Variants in FOXA3 observed in about 807,000 individuals in gnomAD.
FOXA3 encodes the protein forkhead box A3.
In FOXA3, 11 loss-of-function variants were observed where a neutral mutation model predicts 16.9. The ratio of observed to expected loss-of-function variants is 0.65; its 90% CI spans 0.41 to 1.08. FOXA3 has a LOEUF of 1.08. Ranked by LOEUF, FOXA3 falls within the 50% of genes least tolerant of loss-of-function variation. The probability of loss-of-function intolerance (pLI) is 0.00; values close to 1 mark genes in which losing one functional copy is unlikely to be tolerated. For synonymous variants in FOXA3, 217 were observed against 203.3 expected (o/e 1.07, Z -0.57); for missense variants, 423 against 470.1 (o/e 0.90, Z 0.93).
Position 45,864,344 on chromosome 19 carries a change from G to C in FOXA3, c.-113G>C. ...GGCGCTCGGGACAGCCGTACCCCGG[G>C]CGGTCGGACGGGCGGGCGCCGGTGG... On this transcript the variant is annotated 5_prime_UTR_variant, in exon 1 of 2. Coordinates refer to ENST00000302177, the MANE Select transcript of FOXA3 (RefSeq NM_004497.3). The C allele has an allele frequency of 1.1e-6, 1 of 887,816 alleles. No individual in the cohort carries two copies. The allele number at this position is 887,816 out of a possible 1,614,324, so 55.0% of individuals were successfully genotyped here.
At position 45,864,361 on chromosome 19, in the gene FOXA3, C is replaced by G; in HGVS notation, c.-96C>G. ...TACCCCGGGCGGTCGGACGGGCGGG[C>G]GCCGGTGGGAGCTCGGGCCGTGCCC... On this transcript the variant is annotated 5_prime_UTR_variant, in exon 1 of 2. Coordinates refer to ENST00000302177, the MANE Select transcript of FOXA3 (RefSeq NM_004497.3). 9.0e-7 allele frequency: 1 copy of G among 1,116,356 alleles called. No individual in the cohort carries two copies. The highest frequency in any genetic ancestry group is 1.2e-6 in the Non-Finnish European group (1 of 864,150). The allele number at this position is 1,116,356 out of a possible 1,614,324, so 69.2% of individuals were successfully genotyped here. A position where few individuals can be genotyped will look rare whatever the true frequency, so the allele number is the denominator to read the frequency against.
At chr19:45,871,199 T>C (rs976560547) in intron 1 of FOXA3, among the ~76,000 whole-genome samples, 5 of 152,222 alleles carry the variant, frequency 3.3e-5, no homozygotes, top group Admixed American at 3.3e-4. Flanking sequence ...CATGTATTCA[T>C]TTAAAAATAG....
At chr19:45,869,787 ATT>A (rs1399610263) in intron 1 of FOXA3, among the ~76,000 whole-genome samples, 4 of 140,510 alleles carry the variant, frequency 2.8e-5, no homozygotes, top group Non-Finnish European at 4.7e-5. Context: ...ATTTTTATTT[ATT>A]TATTTTTTTT....
chr19:45,873,510 C>T lies in FOXA3; in HGVS notation c.*452C>T, dbSNP rs1312123439. On this transcript the variant is annotated 3_prime_UTR_variant, in exon 2 of 2. Transcript: ENST00000302177. ...GCCCATTGGGTGCTTTGATGGACAT[C>T]ATACTGGGTAGGTGACAACGTCAGT... The T allele has an allele frequency of 4.8e-6, 1 of 209,074 alleles. No homozygotes were observed. 13.0% of individuals were successfully genotyped at this position (209,074 alleles called of 1,614,324 possible).
chr19:45,872,800 G>T lies in FOXA3; in HGVS notation c.795G>T (p.Gly265=). ...PPAPEPEAQG[G]EDVGALDCGS... ...CCCCTGAGCCTGAGGCCCAGGGCGG[G>T]GAAGATGTGGGGGCTCTGGACTGTG... Residue 265 remains glycine, a synonymous_variant, in exon 2 of 2, where the codon GGG becomes GGT. Coordinates refer to ENST00000302177, the MANE Select transcript of FOXA3 (RefSeq NM_004497.3). This position sits in a 1 kb window ranked among gnomAD's most constrained non-coding sequence, Gnocchi z 4.5. 1 of 1,612,164 alleles carries T rather than the reference G, an allele frequency of 6.2e-7. No individual in the cohort carries two copies. The highest frequency in any genetic ancestry group is 1.1e-5 in the South Asian group (1 of 91,086).
At chr19:45,867,418 T>G (rs1207924531) in intron 1 of FOXA3, among the ~76,000 whole-genome samples, 6 of 111,448 alleles carry the variant, frequency 5.4e-5, no homozygotes, top group East Asian at 4.1e-4. Flanking sequence ...GGGAGGGAGA[T>G]AGATAGATAG....
intron 1 of FOXA3, among the ~76,000 whole-genome samples, chr19:45,866,280 G>T (rs980265640): frequency 2.0e-5 from 3 of 151,964 alleles, no homozygotes; most frequent in Non-Finnish European, 4.4e-5. Flanking sequence ...AGTCAGGCAT[G>T]CCTGTAGTCT....
chr19:45,872,458 C>G lies in FOXA3; in HGVS notation c.453C>G (p.Phe151Leu). The G allele has an allele frequency of 6.2e-7, 1 of 1,614,218 alleles. No individual in the cohort carries two copies. The change falls in exon 2 of 2, where the codon TTC becomes TTG. Residue 151 changes from phenylalanine (F) to leucine (L), a missense_variant. Around this residue, in one of 3 missense-constraint regions of FOXA3, gnomAD observed 85 missense variants for 136.9 expected, o/e 0.62. Transcript: ENST00000302177. This position sits in a 1 kb window ranked among gnomAD's most constrained non-coding sequence, Gnocchi z 4.5. ...TCTACCAGTGGATCATGGACCTCTT[C>G]CCTTACTACCGGGAGAATCAGCAGC... ...SEIYQWIMDL[F>L]PYYRENQQRW...
In FOXA3 at chr19:45,872,122, C is replaced by T. The variant is rs1352476871; in HGVS notation, c.117C>T (p.Ser39=). The part of the protein sequence containing the change: ...TPVPTMAPLN[S]YMTLNPLSSP... ...TGCCCACCATGGCCCCCCTCAACTC[C>T]TACATGACCCTGAATCCTCTAAGCT... The change falls in exon 2 of 2, where the codon TCC becomes TCT. Residue 39 remains serine, a synonymous_variant. Coordinates refer to ENST00000302177, the MANE Select transcript of FOXA3 (RefSeq NM_004497.3). The surrounding 1 kb of genome is among the most constrained non-coding windows in gnomAD (Gnocchi z 4.5). The T allele has an allele frequency of 6.9e-6, 11 of 1,603,478 alleles. No homozygotes were observed. Among genetic ancestry groups the T allele is most frequent in the Non-Finnish European group, 9.4e-6 (11 of 1,175,098 alleles).
rs776353999 is a variant in FOXA3 at position 45,872,737 on chromosome 19, G to A, written c.732G>A (p.Ala244=). Residue 244 remains alanine (A), a synonymous_variant, in exon 2 of 2, where the codon GCG becomes GCA. Coordinates refer to ENST00000302177, the MANE Select transcript of FOXA3 (RefSeq NM_004497.3). This position sits in a 1 kb window ranked among gnomAD's most constrained non-coding sequence, Gnocchi z 4.5. The part of the protein sequence containing the change: ...TGSAASTTTP[A]ATVTSPPQPP... The stretch of plus-strand genomic sequence containing the variant: ...CTGCTGCCTCGACCACCACCCCCGC[G>A]GCCACAGTCACCTCCCCGCCCCAGC... 47 of 1,602,272 alleles carry A rather than the reference G, an allele frequency of 2.9e-5. No homozygotes were observed. Among genetic ancestry groups the A allele is most frequent in the Non-Finnish European group, 3.5e-5 (41 of 1,175,236 alleles).
chr19:45,864,365 G>C lies in FOXA3; in HGVS notation c.-92G>C. On this transcript the variant is annotated 5_prime_UTR_variant, in exon 1 of 2. Coordinates refer to ENST00000302177, the MANE Select transcript of FOXA3 (RefSeq NM_004497.3). ...CCGGGCGGTCGGACGGGCGGGCGCCGGTGGGAGCTCGGGCCGTGCCCGCTG... is the reference window on the plus strand; with the variant it reads ...CCGGGCGGTCGGACGGGCGGGCGCCCGTGGGAGCTCGGGCCGTGCCCGCTG... The C allele has an allele frequency of 8.7e-7, 1 of 1,147,080 alleles. No individual in the cohort carries two copies. Among genetic ancestry groups the C allele is most frequent in the East Asian group, 3.2e-5 (1 of 31,204 alleles). 71.1% of individuals were successfully genotyped at this position (1,147,080 alleles called of 1,614,324 possible). A position where few individuals can be genotyped will look rare whatever the true frequency, so the allele number is the denominator to read the frequency against.
chr19:45,866,810 C>T (rs1267480180), intron 1 of FOXA3, among the ~76,000 whole-genome samples: 1 of 152,198 alleles, frequency 6.6e-6, no homozygotes, highest in Non-Finnish European at 1.5e-5. Flanking sequence ...TGAAGCCCCG[C>T]ACGCAGAACA....
intron 1 of FOXA3, among the ~76,000 whole-genome samples, chr19:45,868,999 C>T (rs1048488055): frequency 3.9e-5 from 6 of 152,162 alleles, no homozygotes; most frequent in Admixed American, 2.0e-4. Context: ...ACGATCTTGG[C>T]TCACCACAAC....
chr19:45,864,445 T>C lies in FOXA3; in HGVS notation c.-12T>C, dbSNP rs11667582. 219,957 of 1,433,700 alleles carry C rather than the reference T, an allele frequency of 0.15. 17,438 individuals are homozygous for C. The highest frequency in any genetic ancestry group is 0.19 in the Admixed American group (7,949 of 40,878). 88.8% of individuals were successfully genotyped at this position (1,433,700 alleles called of 1,614,324 possible). A position where few individuals can be genotyped will look rare whatever the true frequency, so the allele number is the denominator to read the frequency against. On this transcript the variant is annotated 5_prime_UTR_variant, in exon 1 of 2. Transcript: ENST00000302177. ...GCCGGAGCGGGGGCGGGTGGGGGCG[T>C]AAGCCCGGGGGATGCTGGGCTCAGT...
In FOXA3 at chr19:45,873,245, G is replaced by A; in HGVS notation, c.*187G>A. ...CACGGGGTACTGTGATAACCACCATGGATACATTTTGGTGGCCCACTGGGT... is the reference window on the plus strand; with the variant it reads ...CACGGGGTACTGTGATAACCACCATAGATACATTTTGGTGGCCCACTGGGT... On this transcript the variant is annotated 3_prime_UTR_variant, in exon 2 of 2. Coordinates refer to ENST00000302177, the MANE Select transcript of FOXA3 (RefSeq NM_004497.3). 2.2e-6 allele frequency: 2 copies of A among 929,984 alleles called. No homozygotes were observed. Among genetic ancestry groups the A allele is most frequent in the South Asian group, 1.7e-5 (1 of 58,160 alleles). 57.6% of individuals were successfully genotyped at this position (929,984 alleles called of 1,614,324 possible). A position where few individuals can be genotyped will look rare whatever the true frequency, so the allele number is the denominator to read the frequency against.
Position 45,872,335 on chromosome 19 carries a change from G to T in FOXA3, c.330G>T (p.Arg110=). 9 of 1,613,906 alleles carry T rather than the reference G, an allele frequency of 5.6e-6. No homozygotes were observed. The highest frequency in any genetic ancestry group is 7.6e-6 in the Non-Finnish European group (9 of 1,179,882). ...VHGKEMPKGY[R]RPLAHAKPPY... Reference sequence around the variant, plus strand: ...GGAAGGAGATGCCGAAGGGGTATCGGCGGCCCCTGGCACACGCCAAGCCAC... The same window carrying T: ...GGAAGGAGATGCCGAAGGGGTATCGTCGGCCCCTGGCACACGCCAAGCCAC... Residue 110 remains arginine, a synonymous_variant, in exon 2 of 2, where the codon CGG becomes CGT. Coordinates refer to ENST00000302177, the MANE Select transcript of FOXA3 (RefSeq NM_004497.3). The surrounding 1 kb of genome is among the most constrained non-coding windows in gnomAD (Gnocchi z 4.5).
Position 45,873,207 on chromosome 19 carries a change from C to G in FOXA3, c.*149C>G. 7 of 1,282,136 alleles carry G rather than the reference C, an allele frequency of 5.5e-6. No homozygotes were observed. In the South Asian group the frequency reaches 1.0e-4, roughly 19 times the overall value. 79.4% of individuals were successfully genotyped at this position (1,282,136 alleles called of 1,614,324 possible). Reference sequence around the variant, plus strand: ...CTGTGATGACTGCTGTCTCAGTGGGCATGGTGTTGATCCACGGGGTACTGT... The same window carrying G: ...CTGTGATGACTGCTGTCTCAGTGGGGATGGTGTTGATCCACGGGGTACTGT... On this transcript the variant is annotated 3_prime_UTR_variant, in exon 2 of 2. Coordinates refer to ENST00000302177, the MANE Select transcript of FOXA3 (RefSeq NM_004497.3).
rs773757045 is a variant in FOXA3, at chr19:45,872,309, G to A, written c.304G>A (p.Gly102Arg). 18 of 1,613,938 alleles carry A rather than the reference G, an allele frequency of 1.1e-5. No homozygotes were observed. The highest frequency in any genetic ancestry group is 6.7e-5 in the Admixed American group (4 of 60,008). Residue 102 changes from glycine (G) to arginine (R), a missense_variant, in exon 2 of 2, where the codon GGG becomes AGG. Coordinates refer to ENST00000302177, the MANE Select transcript of FOXA3 (RefSeq NM_004497.3). The surrounding 1 kb of genome is among the most constrained non-coding windows in gnomAD (Gnocchi z 4.5). Reference protein sequence around the residue: ...YGAPGPGLVHGKEMPKGYRRP... With the variant: ...YGAPGPGLVHRKEMPKGYRRP... ...GGCCCCGGGTCCTGGGCTGGTGCAC[G>A]GGAAGGAGATGCCGAAGGGGTATCG...
intron 1 of FOXA3, among the ~76,000 whole-genome samples, chr19:45,871,085 G>A (rs1229589266): frequency 1.1e-4 from 16 of 151,804 alleles, no homozygotes; most frequent in African/African-American, 3.6e-4. Flanking sequence ...GTGAGACCCT[G>A]TAGAAAAAAA....
Sources: gnomAD v4.1 joint callset for allele counts (sites outside exome capture counted in the v4.1 genomes callset) on GRCh38, gnomAD v4.1.1 for gene constraint, gnomAD v4.1.1 regional missense constraint, Gnocchi (gnomAD v3.1) non-coding constraint, MANE v1.5 for transcripts, NCBI Gene and HGNC (gene_info 2026-07-23, HGNC 2026-07-21) for gene names.